MAPKAPK3: variants seen among roughly 807,000 people sequenced by gnomAD.
MAPKAPK3 encodes MAPK activated protein kinase 3.
MAPKAPK3 carries 35 observed loss-of-function variants against 49.2 expected under a neutral mutation model. The ratio of observed to expected loss-of-function variants is 0.71; its 90% confidence interval spans 0.54 to 0.94. The LOEUF (loss-of-function observed/expected upper bound fraction) is 0.94, where lower values mean the gene tolerates loss of function less well. Among genes scored for constraint, MAPKAPK3 ranks in the 40% least tolerant of loss-of-function variants. The pLI, the probability that MAPKAPK3 is intolerant of heterozygous loss-of-function variation, is 0.00. For synonymous variants in MAPKAPK3, 178 were observed against 188.7 expected (o/e 0.94, Z 0.46); for missense variants, 398 against 493.1 (o/e 0.81, Z 1.83).
chr3:50,645,612 C>G (rs2033271081), intron 6 of MAPKAPK3, 98 bp from the exon 7 acceptor site: 1 of 898,422 alleles, frequency 1.1e-6, no homozygotes, highest in African/African-American at 1.7e-5. Flanking sequence ...TACCTCCCAG[C>G]CCAGGTACCT....
At chr3:50,628,271 G>A (rs2032810059) in intron 2 of MAPKAPK3, among the ~76,000 whole-genome samples, 1 of 152,196 alleles carries the variant, frequency 6.6e-6, no homozygotes, top group Non-Finnish European at 1.5e-5. Flanking sequence ...ACCCCTGCTA[G>A]GGAGGGTGGT....
intron 2 of MAPKAPK3, among the ~76,000 whole-genome samples, chr3:50,621,354 G>T (rs1335397923): frequency 2.0e-5 from 3 of 152,098 alleles, no homozygotes; most frequent in Non-Finnish European, 4.4e-5. Context: ...CCAGCACTTT[G>T]GCTGAGGCGG....
intron 5 of MAPKAPK3, among the ~76,000 whole-genome samples, chr3:50,644,013 GC>G (rs1188699793): frequency 1.3e-5 from 2 of 152,132 alleles, no homozygotes; most frequent in Non-Finnish European, 2.9e-5. Flanking sequence ...TGTCCTTCTA[GC>G]CCTGTAGGAT....
intron 8 of MAPKAPK3, 77 bp downstream of exon 8, chr3:50,646,341 C>A: frequency 6.3e-7 from 1 of 1,590,962 alleles, no homozygotes; most frequent in South Asian, 1.1e-5. Flanking sequence ...ACTTTGGTGT[C>A]AAACTGACCT....
At chr3:50,612,115 T>G in exon 1 of MAPKAPK3, 2 of 163,996 alleles carry the variant, frequency 1.2e-5, no homozygotes, top group Non-Finnish European at 1.3e-5. Context: ...GGGCTGAAGC[T>G]ACCCAGAGGG....
At chr3:50,625,527 G>A (rs1277965654) in intron 2 of MAPKAPK3, among the ~76,000 whole-genome samples, 1 of 152,200 alleles carries the variant, frequency 6.6e-6, no homozygotes, top group Non-Finnish European at 1.5e-5. Flanking sequence ...GGGGAACAAG[G>A]AGCCTCAGGA....
intron 2 of MAPKAPK3, among the ~76,000 whole-genome samples, chr3:50,639,624 C>T (rs685887): frequency 6.6e-6 from 1 of 152,144 alleles, no homozygotes; most frequent in South Asian, 2.1e-4. Flanking sequence ...ATTACTTTTA[C>T]CCCTACAGGA....
chr3:50,634,649 C>T (rs980812122), intron 2 of MAPKAPK3, among the ~76,000 whole-genome samples: 11 of 152,060 alleles, frequency 7.2e-5, no homozygotes, highest in South Asian at 2.1e-4. Context: ...CCACCACACC[C>T]AGCTAATTTT....
At chr3:50,616,363 G>A (rs779933350), upstream of MAPKAPK3, among the ~76,000 whole-genome samples, 1 of 152,188 alleles carries the variant, frequency 6.6e-6, no homozygotes, top group Non-Finnish European at 1.5e-5. Flanking sequence ...GGGAAAACTG[G>A]CTCAAAATAC....
At chr3:50,611,594 C>G, upstream of MAPKAPK3, 3 of 1,522,542 alleles carry the variant, frequency 2.0e-6, no homozygotes, top group Non-Finnish European at 2.6e-6. Context: ...GTGCGCCCCT[C>G]GTGGTGGCCG....
chr3:50,645,273 T>C (rs1312115493), intron 6 of MAPKAPK3, among the ~76,000 whole-genome samples: 1 of 152,152 alleles, frequency 6.6e-6, no homozygotes, highest in East Asian at 1.9e-4. Context: ...AAAGGCTCCA[T>C]GGATTGGTAG....
chr3:50,611,543 C>T, upstream of MAPKAPK3: 3 of 1,519,852 alleles, frequency 2.0e-6, no homozygotes, highest in Non-Finnish European at 2.6e-6. Context: ...CCGTCAAGCC[C>T]TCCCAATGCC....
chr3:50,633,661 T>G (rs1466051091), intron 2 of MAPKAPK3, among the ~76,000 whole-genome samples: 1 of 152,224 alleles, frequency 6.6e-6, no homozygotes, highest in Non-Finnish European at 1.5e-5. Flanking sequence ...CTTGCCATCC[T>G]GCAGCCAGGT....
At position 50,644,509 on chromosome 3, in the gene MAPKAPK3, C is replaced by G. The variant is rs755111080; in HGVS notation, c.605C>G (p.Pro202Arg). Reference protein sequence around the residue: ...KETTQNALQTPCYTPYYVAPE... With the variant: ...KETTQNALQTRCYTPYYVAPE... ...ACCACCCAAAATGCCCTGCAGACAC[C>G]CTGCTATACTCCCTATTATGTGGGT... Residue 202 changes from proline to arginine, a missense_variant, in exon 6 of 11, where the codon CCC becomes CGC. Pro to Arg is a moderately radical substitution (Grantham distance 103). Transcript: ENST00000621469. The G allele has an allele frequency of 1.9e-6, 3 of 1,614,146 alleles. No individual in the cohort carries two copies. Among genetic ancestry groups the G allele is most frequent in the Non-Finnish European group, 2.5e-6 (3 of 1,180,026 alleles).
At chr3:50,630,443 A>C (rs1282355364) in intron 2 of MAPKAPK3, among the ~76,000 whole-genome samples, 1 of 152,206 alleles carries the variant, frequency 6.6e-6, no homozygotes, top group Non-Finnish European at 1.5e-5. Context: ...TGTGCAAACC[A>C]CGTGACCCAG....
chr3:50,628,850 G>C (rs752273763), intron 2 of MAPKAPK3, among the ~76,000 whole-genome samples: 1 of 152,232 alleles, frequency 6.6e-6, no homozygotes, highest in African/African-American at 2.4e-5. Flanking sequence ...GCAAGCTGGG[G>C]CTTGGGAAGG....
At chr3:50,611,698 G>A (rs984623093), upstream of MAPKAPK3, 12 of 1,452,568 alleles carry the variant, frequency 8.3e-6, no homozygotes, top group Admixed American at 1.5e-4. Flanking sequence ...GCTGGACGGC[G>A]GCGGCTGGAG....
chr3:50,645,452 C>T (rs2033268174), intron 6 of MAPKAPK3, among the ~76,000 whole-genome samples: 1 of 152,188 alleles, frequency 6.6e-6, no homozygotes, highest in Non-Finnish European at 1.5e-5. Context: ...TCTTCTTTCA[C>T]CAAGGTTGAG....
chr3:50,642,379 T>G, intron 5 of MAPKAPK3, 47 bp downstream of exon 5: 4 of 1,391,508 alleles, frequency 2.9e-6, no homozygotes, highest in Non-Finnish European at 4.1e-6. Flanking sequence ...GAGGATATTG[T>G]CCCACTCCAC....
Sources: allele counts gnomAD v4.1 joint callset (sites outside exome capture counted in the v4.1 genomes callset), GRCh38; gene constraint gnomAD v4.1.1; transcripts MANE v1.5; gene names NCBI Gene and HGNC (gene_info 2026-07-23, HGNC 2026-07-21).